Variants in EGFLAM observed in about 807,000 individuals in gnomAD.
EGFLAM encodes the protein pikachurin.
EGFLAM carries 79 observed loss-of-function variants against 113.1 expected under a neutral mutation model. That is an observed-to-expected ratio of 0.70 (90% CI 0.58 to 0.84). The LOEUF (loss-of-function observed/expected upper bound fraction) is 0.84, where lower values mean the gene tolerates loss of function less well. EGFLAM is among the 40% of genes least tolerant of loss of function. The pLI is 0.00. For missense variants in EGFLAM, 1,265 were observed against 1,291.6 expected, an observed-to-expected ratio of 0.98 and a Z score of 0.32; for synonymous variants, 504 against 487.6, an observed-to-expected ratio of 1.03 and a Z score of -0.44.
intron 2 of EGFLAM, 107 bp from the exon 3 acceptor site, chr5:38,338,591 T>A (rs1739253078): frequency 9.7e-7 from 1 of 1,028,090 alleles, no homozygotes; most frequent in African/African-American, 1.6e-5. Context: ...GCACGTGATG[T>A]TAGGCAACGC....
chr5:38,451,577 G>C, intron 19 of EGFLAM, 119 bp downstream of exon 19: 2 of 1,404,376 alleles, frequency 1.4e-6, no homozygotes, highest in Non-Finnish European at 1.9e-6. Context: ...GCTGAAGCCT[G>C]AAGCTTCAAG....
chr5:38,317,805 G>A (rs991847935), intron 1 of EGFLAM, among the ~76,000 whole-genome samples: 2 of 152,168 alleles, frequency 1.3e-5, no homozygotes. Flanking sequence ...TTCAAGCTTC[G>A]ATCAGGAGAA....
In EGFLAM at chr5:38,438,411, A is replaced by G; in HGVS notation, c.2420A>G (p.Asp807Gly). 6.2e-7 allele frequency: 1 copy of G among 1,613,616 alleles called. No homozygotes were observed. Among genetic ancestry groups the G allele is most frequent in the East Asian group, 2.2e-5 (1 of 44,862 alleles). ...TGCCGGCCCAGGAAGGAGGGCTATGACTGTGACTGCCCCTTGGGCTTTGAG... is the reference window on the plus strand; with the variant it reads ...TGCCGGCCCAGGAAGGAGGGCTATGGCTGTGACTGCCCCTTGGGCTTTGAG... ...GSCRPRKEGY[D>G]CDCPLGFEGL... Residue 807 changes from aspartate (D) to glycine (G), a missense_variant, in exon 17 of 22, where the codon GAC (aspartate) becomes GGC (glycine). By Grantham distance (94) the Asp-to-Gly change is moderately conservative. Coordinates refer to ENST00000322350, the MANE Select transcript of EGFLAM (RefSeq NM_152403.4).
At chr5:38,343,519 C>T (rs953821128) in intron 3 of EGFLAM, among the ~76,000 whole-genome samples, 1 of 152,106 alleles carries the variant, frequency 6.6e-6, no homozygotes, top group East Asian at 1.9e-4. Context: ...GCTAACTTTC[C>T]TGCAGTACGC....
rs1741311359 is a variant in EGFLAM, at chr5:38,407,059, G to C, written c.1060G>C (p.Ala354Pro). The C allele has an allele frequency of 1.2e-6, 2 of 1,614,032 alleles. No individual in the cohort carries two copies. The highest frequency in any genetic ancestry group is 2.7e-5 in the African/African-American group (2 of 74,920). Residue 354 changes from alanine (A) to proline (P), a missense_variant, in exon 8 of 22, where the codon GCT (alanine) becomes CCT (proline). Ala to Pro is a conservative substitution (Grantham distance 27). Coordinates refer to ENST00000322350, the MANE Select transcript of EGFLAM (RefSeq NM_152403.4). ...DMPCDETLCSADSFCVNDYTW... is the reference protein window; with the variant it reads ...DMPCDETLCSPDSFCVNDYTW... ...GCCTTGTGATGAAACTCTCTGCTCT[G>C]CTGACAGCTTCTGTGTCAATGACTA... is the stretch of plus-strand genomic sequence containing the variant.
At chr5:38,317,854 G>A (rs796118925) in intron 1 of EGFLAM, among the ~76,000 whole-genome samples, 1 of 152,168 alleles carries the variant, frequency 6.6e-6, no homozygotes, top group Non-Finnish European at 1.5e-5. Context: ...GAGGGTAAGG[G>A]GGAAGTTGCT....
chr5:38,459,545 GCAAGTTAGATGAAGGTCC>G (rs1388967536), intron 20 of EGFLAM, among the ~76,000 whole-genome samples: 1 of 152,094 alleles, frequency 6.6e-6, no homozygotes, highest in African/African-American at 2.4e-5. Flanking sequence ...TGTCAATCTC[GCAAGTTAGATGAAGGTCC>G]CAGGAGAAGA....
intron 5 of EGFLAM, among the ~76,000 whole-genome samples, chr5:38,359,615 C>A (rs929754722): frequency 1.3e-5 from 2 of 152,176 alleles, no homozygotes; most frequent in African/African-American, 4.8e-5. Flanking sequence ...GTGGAGTTTG[C>A]AGTGAACCTA....
chr5:38,405,380 C>T (rs1188026025), intron 6 of EGFLAM, among the ~76,000 whole-genome samples: 2 of 152,070 alleles, frequency 1.3e-5, no homozygotes, highest in African/African-American at 4.8e-5. Flanking sequence ...ATATGTATCC[C>T]TAAGTAATAT....
chr5:38,269,922 C>T (rs1404222181), intron 1 of EGFLAM, among the ~76,000 whole-genome samples: 1 of 152,196 alleles, frequency 6.6e-6, no homozygotes, highest in African/African-American at 2.4e-5. Context: ...GGTCATCCAG[C>T]CTCTAGCCCT....
chr5:38,402,806 T>C (rs73749224), intron 6 of EGFLAM, among the ~76,000 whole-genome samples: 2,714 of 152,274 alleles, frequency 0.018, 77 homozygotes, highest in African/African-American at 0.062. Context: ...AAAAAGGAGC[T>C]GTTTTAATTG....
chr5:38,296,747 T>TTA (rs1350826406), intron 1 of EGFLAM, among the ~76,000 whole-genome samples: 2 of 151,868 alleles, frequency 1.3e-5, no homozygotes, highest in Non-Finnish European at 2.9e-5. Flanking sequence ...AATTTTGTAA[T>TTA]TATATATGTA....
intron 1 of EGFLAM, among the ~76,000 whole-genome samples, chr5:38,311,040 G>T (rs1281676226): frequency 6.6e-6 from 1 of 151,698 alleles, no homozygotes; most frequent in Admixed American, 6.6e-5. Context: ...TGGAACCATG[G>T]GTTGGTCGCA....
intron 19 of EGFLAM, among the ~76,000 whole-genome samples, chr5:38,457,690 G>T (rs1354173346): frequency 6.6e-6 from 1 of 152,188 alleles, no homozygotes; most frequent in Non-Finnish European, 1.5e-5. Context: ...CGGGTGGAGG[G>T]AGGGGGCAGA....
intron 10 of EGFLAM, among the ~76,000 whole-genome samples, chr5:38,412,063 G>C (rs1188967234): frequency 6.6e-6 from 1 of 152,174 alleles, no homozygotes; most frequent in Non-Finnish European, 1.5e-5. Flanking sequence ...GCCTTCCAAA[G>C]TGCTGGGATT....
intron 6 of EGFLAM, among the ~76,000 whole-genome samples, chr5:38,391,731 G>C (rs1262276949): frequency 2.0e-5 from 3 of 152,052 alleles, no homozygotes; most frequent in Non-Finnish European, 4.4e-5. Context: ...ACTTTATGAA[G>C]TCATGATATC....
At chr5:38,431,090 C>T in intron 14 of EGFLAM, 87 bp from the exon 15 acceptor site, 2 of 1,175,888 alleles carry the variant, frequency 1.7e-6, no homozygotes, top group Non-Finnish European at 2.5e-6. Context: ...CAGACACACC[C>T]AGAAATAATG....
chr5:38,316,707 T>C (rs955114272), intron 1 of EGFLAM, among the ~76,000 whole-genome samples: 1 of 152,186 alleles, frequency 6.6e-6, no homozygotes, highest in Non-Finnish European at 1.5e-5. Context: ...GCTCACAGCA[T>C]GCCCCTCAGT....
chr5:38,356,428 C>G (rs552190975), intron 5 of EGFLAM, among the ~76,000 whole-genome samples: 42 of 152,314 alleles, frequency 2.8e-4, no homozygotes, highest in African/African-American at 9.9e-4. Context: ...TGTTTCCATC[C>G]TACAGTACCA....
Sources: allele counts gnomAD v4.1 joint callset (sites outside exome capture counted in the v4.1 genomes callset), GRCh38; gene constraint gnomAD v4.1.1; transcripts MANE v1.5; gene names NCBI Gene and HGNC (gene_info 2026-07-23, HGNC 2026-07-21).